The following DDX10 variants were observed in gnomAD, a reference collection of about 807,000 sequenced individuals.
DDX10 encodes probable ATP-dependent RNA helicase DDX10.
In DDX10, 74 loss-of-function variants were observed where a neutral mutation model predicts 104.3. The ratio of observed to expected loss-of-function variants is 0.71; its 90% CI spans 0.59 to 0.86. DDX10 has a LOEUF of 0.86. Ranked by LOEUF, DDX10 falls within the 40% of genes least tolerant of loss-of-function variation. The pLI is 0.00. For synonymous variants in DDX10, 351 were observed against 353.4 expected, an observed-to-expected ratio of 0.99 and a Z score of 0.08; for missense variants, 952 against 1,040.0, an observed-to-expected ratio of 0.92 and a Z score of 1.16.
chr11:108,689,095 T>C, intron 7 of DDX10, 33 bp downstream of exon 7: 4 of 1,609,096 alleles, frequency 2.5e-6, no homozygotes, highest in South Asian at 1.1e-5. Flanking sequence ...TCTGAACGTA[T>C]GTTGAATGTC....
chr11:108,698,796 T>G (rs1441867725), intron 9 of DDX10, among the ~76,000 whole-genome samples: 1 of 152,232 alleles, frequency 6.6e-6, no homozygotes, highest in African/African-American at 2.4e-5. Flanking sequence ...CCTAAACTAT[T>G]CATCCGTTTC....
At chr11:108,814,172 C>G (rs1047283340) in intron 13 of DDX10, among the ~76,000 whole-genome samples, 1 of 152,092 alleles carries the variant, frequency 6.6e-6, no homozygotes, top group Non-Finnish European at 1.5e-5. Context: ...TTACATTTCT[C>G]TAGTTACTCA....
intron 13 of DDX10, among the ~76,000 whole-genome samples, chr11:108,800,648 G>C (rs960860976): frequency 1.3e-5 from 2 of 152,046 alleles, no homozygotes; most frequent in African/African-American, 4.8e-5. Flanking sequence ...TCAAAATCTT[G>C]TTGATCAATT....
rs142528989 is a variant in DDX10 at position 108,672,586 on chromosome 11, G to A, written c.187-881G>A. Among the ~76,000 whole-genome samples the A allele has an allele frequency of 3.4e-3, 511 of 152,340 alleles. 1 individual carries two copies. Among genetic ancestry groups the A allele is most frequent in the Non-Finnish European group, 5.8e-3 (392 of 68,040 alleles). On this transcript the variant is annotated intron_variant, in intron 1 of 17. Transcript: ENST00000322536. ...GCCTGGGCAATGTTAAGAATCATAG[G>A]AAAGATGTGTAGATTGTAAAATGAA...
chr11:108,927,567 G>C (rs903445480), intron 17 of DDX10, among the ~76,000 whole-genome samples: 1 of 151,988 alleles, frequency 6.6e-6, no homozygotes, highest in Non-Finnish European at 1.5e-5. Flanking sequence ...GAAGTTAACA[G>C]ATTTTCCCAG....
chr11:108,912,842 C>T lies in DDX10; in HGVS notation c.2305-5031C>T, dbSNP rs1250255639. Among the ~76,000 whole-genome samples the T allele has an allele frequency of 3.3e-5, 5 of 152,246 alleles. No individual in the cohort carries two copies. The East Asian group carries it at 9.7e-4, about 29-fold the overall frequency. On this transcript the variant is annotated intron_variant, in intron 16 of 17. Coordinates refer to ENST00000322536, the MANE Select transcript of DDX10 (RefSeq NM_004398.4). ...CCAGACTAAGGCATGAGTGACTATT[C>T]CTCTACCTCCACCTCACATGTCAAT... is the stretch of plus-strand genomic sequence containing the variant.
chr11:108,862,067 G>A (rs1862949004), intron 16 of DDX10, among the ~76,000 whole-genome samples: 1 of 152,164 alleles, frequency 6.6e-6, no homozygotes, highest in African/African-American at 2.4e-5. Context: ...TGCCCAGGTT[G>A]TGGTGTAGTG....
At chr11:108,878,258 C>T (rs959801103) in intron 16 of DDX10, among the ~76,000 whole-genome samples, 1 of 152,154 alleles carries the variant, frequency 6.6e-6, no homozygotes, top group Non-Finnish European at 1.5e-5. Flanking sequence ...ATGTGTTTCT[C>T]CCTGGAAGAA....
chr11:108,678,344 C>G lies in DDX10; in HGVS notation c.567C>G (p.Asn189Lys). ...TAAAACACGAAGCTGAGAGGATCAA[C>G]AACATAAATATACTCGTGTGCACAC... ...KDLKHEAERI[N>K]NINILVCTPG... Residue 189 changes from asparagine (N) to lysine (K), a missense_variant, in exon 5 of 18, where the codon AAC (asparagine) becomes AAG (lysine). Coordinates refer to ENST00000322536, the MANE Select transcript of DDX10 (RefSeq NM_004398.4). 6.2e-7 allele frequency: 1 copy of G among 1,611,084 alleles called. No homozygotes were observed. Among genetic ancestry groups the G allele is most frequent in the Non-Finnish European group, 8.5e-7 (1 of 1,178,844 alleles).
intron 13 of DDX10, among the ~76,000 whole-genome samples, chr11:108,795,713 T>A (rs1861932257): frequency 6.6e-6 from 1 of 152,156 alleles, no homozygotes; most frequent in African/African-American, 2.4e-5. Flanking sequence ...GGTGTATATG[T>A]GCCACATTTT....
At chr11:108,723,484 G>GGA (rs1395477578) in intron 13 of DDX10, 22 bp downstream of exon 13, 1 of 1,591,852 alleles carries the variant, frequency 6.3e-7, no homozygotes, top group Non-Finnish European at 8.5e-7. Flanking sequence ...CCCAGTGGAG[G>GGA]GTCTTCTATT....
intron 9 of DDX10, among the ~76,000 whole-genome samples, chr11:108,705,230 C>T (rs1166024443): frequency 6.6e-6 from 1 of 152,172 alleles, no homozygotes; most frequent in Non-Finnish European, 1.5e-5. Flanking sequence ...CTGGCTTCCA[C>T]TCCCTTGTTC....
At chr11:108,822,995 C>T (rs995320869) in intron 13 of DDX10, among the ~76,000 whole-genome samples, 1 of 152,206 alleles carries the variant, frequency 6.6e-6, no homozygotes, top group Admixed American at 6.5e-5. Context: ...CCAGCCCTGA[C>T]TTTGCTGATA....
At chr11:108,861,446 A>G (rs952608731) in intron 16 of DDX10, among the ~76,000 whole-genome samples, 5 of 152,332 alleles carry the variant, frequency 3.3e-5, no homozygotes, top group African/African-American at 1.2e-4. Context: ...ATTGTGGCAT[A>G]GTCATATGAT....
At chr11:108,674,028 A>G (rs777292290) in intron 2 of DDX10, among the ~76,000 whole-genome samples, 6 of 152,168 alleles carry the variant, frequency 3.9e-5, no homozygotes, top group Admixed American at 1.3e-4. Flanking sequence ...GATACATAAA[A>G]ATTGTATATA....
At chr11:108,691,747 T>A in intron 7 of DDX10, 129 bp from the exon 8 acceptor site, 1 of 652,530 alleles carries the variant, frequency 1.5e-6, no homozygotes, top group Non-Finnish European at 2.4e-6. Flanking sequence ...TTTCTTTACT[T>A]TTTTTACTTG....
At chr11:108,732,601 C>T (rs2094313629) in intron 13 of DDX10, among the ~76,000 whole-genome samples, 1 of 152,054 alleles carries the variant, frequency 6.6e-6, no homozygotes, top group South Asian at 2.1e-4. Flanking sequence ...TTGACGAGAT[C>T]GATGCAGTGA....
chr11:108,741,073 T>C (rs1160295840), intron 13 of DDX10, among the ~76,000 whole-genome samples: 1 of 152,106 alleles, frequency 6.6e-6, no homozygotes, highest in African/African-American at 2.4e-5. Flanking sequence ...CCTTCCCCCA[T>C]TGGTTGTTTT....
intron 15 of DDX10, among the ~76,000 whole-genome samples, chr11:108,850,994 C>T (rs1862783819): frequency 6.6e-6 from 1 of 152,076 alleles, no homozygotes; most frequent in Admixed American, 6.6e-5. Context: ...ATTGTTGATA[C>T]TTAATAATTC....
Sources: allele counts gnomAD v4.1 joint callset (sites outside exome capture counted in the v4.1 genomes callset), GRCh38; gene constraint gnomAD v4.1.1; transcripts MANE v1.5; gene names NCBI Gene and HGNC (gene_info 2026-07-23, HGNC 2026-07-21).